ST3GAL3: variants seen among roughly 807,000 people sequenced by gnomAD.
ST3GAL3 encodes the protein ST3 beta-galactoside alpha-2,3-sialyltransferase 3.
ST3GAL3 carries 21 observed loss-of-function variants against 50.1 expected under a neutral mutation model. That is an observed-to-expected ratio of 0.42 (90% confidence interval 0.30 to 0.60). The LOEUF (loss-of-function observed/expected upper bound fraction) is 0.60. Among genes scored for constraint, ST3GAL3 ranks in the 20% least tolerant of loss-of-function variants. The pLI is 0.19. For synonymous variants in ST3GAL3, 183 were observed against 190.0 expected (o/e 0.96, Z 0.30); for missense variants, 353 against 489.4 (o/e 0.72, Z 2.63).
chr1:43,859,835 G>A (rs192250152), intron 5 of ST3GAL3, among the ~76,000 whole-genome samples: 12 of 152,310 alleles, frequency 7.9e-5, no homozygotes, highest in African/African-American at 2.9e-4. Flanking sequence ...TATGATCAGT[G>A]AGGTTCTGGC....
At chr1:43,767,608 G>C (rs1693563714) in intron 2 of ST3GAL3, among the ~76,000 whole-genome samples, 1 of 145,458 alleles carries the variant, frequency 6.9e-6, no homozygotes, top group Non-Finnish European at 1.5e-5. Context: ...ATAATCATTG[G>C]GTCAAAGAAA....
chr1:43,721,779 T>C (rs1166012745), intron 1 of ST3GAL3, among the ~76,000 whole-genome samples: 1 of 152,076 alleles, frequency 6.6e-6, no homozygotes, highest in Non-Finnish European at 1.5e-5. Context: ...TTTTGTACTT[T>C]TAGTAGAAAC....
chr1:43,732,078 TAGC>T (rs1351410972), intron 1 of ST3GAL3, among the ~76,000 whole-genome samples: 1 of 152,246 alleles, frequency 6.6e-6, no homozygotes, highest in Non-Finnish European at 1.5e-5. Flanking sequence ...TTTTTTCACT[TAGC>T]AGTAGGTTCT....
In ST3GAL3 at chr1:43,914,633, C is replaced by T. The variant is rs568289440; in HGVS notation, c.745-5771C>T. ...GTTAAAGAGATAATAAAGTAACAGT[C>T]GTGAAACCAGCCTGGAGCCTCCTCA... On this transcript the variant is annotated intron_variant, in intron 9 of 11. Transcript: ENST00000347631. 12 of 152,370 alleles carry T rather than the reference C, an allele frequency of 7.9e-5. No homozygotes were observed. The South Asian group carries it at 2.3e-3, about 29-fold the overall frequency. 9.4% of individuals were successfully genotyped at this position (152,370 alleles called of 1,614,324 possible). A position where few individuals can be genotyped will look rare whatever the true frequency, so the allele number is the denominator to read the frequency against.
intron 4 of ST3GAL3, among the ~76,000 whole-genome samples, chr1:43,830,113 C>T (rs1001962029): frequency 1.4e-5 from 2 of 144,598 alleles, no homozygotes; most frequent in East Asian, 4.3e-4. Flanking sequence ...ATCCTCCCAA[C>T]CTCAGCCTCC....
At chr1:43,771,187 G>A (rs1053017151) in intron 2 of ST3GAL3, among the ~76,000 whole-genome samples, 7 of 152,076 alleles carry the variant, frequency 4.6e-5, no homozygotes, top group African/African-American at 1.7e-4. Context: ...CATGCTTATT[G>A]ACATGTAAAT....
Position 43,930,229 on chromosome 1 carries a change from C to T in ST3GAL3, c.*8C>T. On this transcript the variant is annotated 3_prime_UTR_variant, in exon 12 of 12. Coordinates refer to ENST00000347631, the MANE Select transcript of ST3GAL3 (RefSeq NM_006279.5). ...CTAAGCAGTGGCATCTGAGTGGGCC[C>T]AGCACATGGCCATAGAGGCCCAGGC... is the stretch of plus-strand genomic sequence containing the variant. 1 of 1,612,736 alleles carries T rather than the reference C, an allele frequency of 6.2e-7. No individual in the cohort carries two copies. Among genetic ancestry groups the T allele is most frequent in the East Asian group, 2.2e-5 (1 of 44,884 alleles).
Position 43,811,083 on chromosome 1 carries a change from T to A in ST3GAL3, c.167-3808T>A, listed in dbSNP as rs150833155. ...TTCATTTTGTCTCCTACTGTTCCCT[T>A]AAAATGTTTTCATGTCTTCAATACA... On this transcript the variant is annotated intron_variant, in intron 3 of 11. Coordinates refer to ENST00000347631, the MANE Select transcript of ST3GAL3 (RefSeq NM_006279.5). Among the ~76,000 whole-genome samples the A allele has an allele frequency of 8.6e-3, 1,315 of 152,314 alleles. 10 individuals carry two copies. The highest frequency in any genetic ancestry group is 0.017 in the Middle Eastern group (5 of 294).
At chr1:43,725,587 T>C (rs1302163731) in intron 1 of ST3GAL3, among the ~76,000 whole-genome samples, 2 of 152,310 alleles carry the variant, frequency 1.3e-5, no homozygotes, top group Middle Eastern at 6.8e-3. Context: ...CATTTTTATT[T>C]TTTATTTATC....
chr1:43,784,141 G>A (rs1558284341), intron 2 of ST3GAL3, among the ~76,000 whole-genome samples: 2 of 152,032 alleles, frequency 1.3e-5, no homozygotes, highest in South Asian at 4.1e-4. Context: ...TGTCCTATAA[G>A]GTCATCTCAT....
chr1:43,789,793 G>C (rs1316467352), intron 2 of ST3GAL3, among the ~76,000 whole-genome samples: 1 of 151,794 alleles, frequency 6.6e-6, no homozygotes, highest in Non-Finnish European at 1.5e-5. Context: ...TGGATCACTT[G>C]AGCCCAGGAA....
chr1:43,889,179 AG>A lies in ST3GAL3; in HGVS notation c.303-5203del, dbSNP rs1294692128. On this transcript the variant is annotated intron_variant, in intron 5 of 11. Coordinates refer to ENST00000347631, the MANE Select transcript of ST3GAL3 (RefSeq NM_006279.5). ...AGTATGTATACTGTGTTACATTTTT[AG>A]TGAATAAAGAAGGGAACAGGAATAC... is the stretch of plus-strand genomic sequence containing the variant. 1.2e-4 allele frequency among the ~76,000 whole-genome samples: 18 copies of A among 148,048 alleles called. No individual in the cohort carries two copies. In the East Asian group the frequency reaches 3.6e-3, roughly 30 times the overall value.
At chr1:43,740,429 A>G (rs751097647) in intron 2 of ST3GAL3, among the ~76,000 whole-genome samples, 3 of 152,058 alleles carry the variant, frequency 2.0e-5, no homozygotes, top group Non-Finnish European at 4.4e-5. Flanking sequence ...CCTCTTTGCA[A>G]TAGCCCTTAT....
At chr1:43,877,455 G>A (rs956300219) in intron 5 of ST3GAL3, among the ~76,000 whole-genome samples, 9 of 152,124 alleles carry the variant, frequency 5.9e-5, no homozygotes, top group African/African-American at 1.7e-4. Context: ...AAGCAGATAG[G>A]TCTCCCCTTA....
At position 43,719,934 on chromosome 1, in the gene ST3GAL3, G is replaced by GAA. The variant is rs148364295; in HGVS notation, c.-31+12269_-31+12270dup. The stretch of plus-strand genomic sequence containing the variant: ...AGCAACAGAGCAAGACTCTGTCTCA[G>GAA]AAAAAAAAAAAAAAAAAAAAAAAAA... On this transcript the variant is annotated intron_variant, in intron 1 of 11. Transcript: ENST00000347631. 2.5e-3 allele frequency among the ~76,000 whole-genome samples: 103 copies of GAA among 41,732 alleles called. 5 individuals are homozygous for GAA. Among genetic ancestry groups the GAA allele is most frequent in the African/African-American group, 7.0e-3 (67 of 9,506 alleles). The allele number at this position is 41,732 out of a possible 152,430, so 27.4% of individuals were successfully genotyped here.
In ST3GAL3 at chr1:43,775,311, G is replaced by A. The variant is rs552286308; in HGVS notation, c.119-16791G>A. On this transcript the variant is annotated intron_variant, in intron 2 of 11. Transcript: ENST00000347631. ...TGGAATGGTATGATCTCAGCTCACT[G>A]CAACCTCTGCCTCCCAGATTCAAGC... Among the ~76,000 whole-genome samples the A allele has an allele frequency of 2.0e-5, 3 of 150,372 alleles. No homozygotes were observed. The South Asian group carries it at 6.3e-4, about 31-fold the overall frequency.
intron 3 of ST3GAL3, among the ~76,000 whole-genome samples, chr1:43,807,307 T>C (rs1287002779): frequency 6.6e-6 from 1 of 151,978 alleles, no homozygotes; most frequent in African/African-American, 2.4e-5. Flanking sequence ...TCCCAGCTAC[T>C]CGGGAGGCTG....
intron 5 of ST3GAL3, among the ~76,000 whole-genome samples, chr1:43,861,683 G>T (rs1019411844): frequency 6.6e-6 from 1 of 152,134 alleles, no homozygotes; most frequent in Non-Finnish European, 1.5e-5. Context: ...CCTTTGTGCT[G>T]TGCCTGCTAG....
intron 3 of ST3GAL3, among the ~76,000 whole-genome samples, chr1:43,802,467 G>A (rs1260140115): frequency 6.6e-6 from 1 of 152,218 alleles, no homozygotes; most frequent in Non-Finnish European, 1.5e-5. Context: ...GTTGCAAAAT[G>A]TATATGAATT....
Sources: gnomAD v4.1 joint callset for allele counts (sites outside exome capture counted in the v4.1 genomes callset) on GRCh38, gnomAD v4.1.1 for gene constraint, MANE v1.5 for transcripts, NCBI Gene and HGNC (gene_info 2026-07-23, HGNC 2026-07-21) for gene names.